DSCAML1: variants seen among roughly 807,000 people sequenced by gnomAD.
DSCAML1 encodes cell adhesion molecule DSCAML1.
DSCAML1 carries 38 observed loss-of-function variants against 200.5 expected under a neutral mutation model. The observed-to-expected ratio is 0.19, with a 90% CI of 0.15 to 0.25. DSCAML1 has a LOEUF of 0.25. DSCAML1 is among the 10% of genes least tolerant of loss of function. The pLI, the probability that DSCAML1 is intolerant of heterozygous loss-of-function variation, is 1.00. For missense variants in DSCAML1, 2,223 were observed against 2,858.8 expected (o/e 0.78, Z 5.07); for synonymous variants, 1,215 against 1,165.0 (o/e 1.04, Z -0.87).
At chr11:117,733,723 A>T (rs973471147) in intron 3 of DSCAML1, among the ~76,000 whole-genome samples, 4 of 152,176 alleles carry the variant, frequency 2.6e-5, no homozygotes, top group Non-Finnish European at 5.9e-5. Context: ...GACCATCTGG[A>T]TAAGTCATCT....
intron 3 of DSCAML1, among the ~76,000 whole-genome samples, chr11:117,619,885 C>T (rs571816668): frequency 1.6e-4 from 24 of 152,176 alleles, no homozygotes; most frequent in East Asian, 7.7e-4. Context: ...ATGTGGACTT[C>T]GGAGCAAAAT....
At chr11:117,725,187 C>T (rs2054103066) in intron 3 of DSCAML1, among the ~76,000 whole-genome samples, 1 of 152,230 alleles carries the variant, frequency 6.6e-6, no homozygotes, top group African/African-American at 2.4e-5. Context: ...CATAGCTGGG[C>T]CGGTCTCCGT....
chr11:117,732,658 G>C (rs1464582073), intron 3 of DSCAML1, among the ~76,000 whole-genome samples: 1 of 152,150 alleles, frequency 6.6e-6, no homozygotes, highest in East Asian at 1.9e-4. Flanking sequence ...GGACCAGGCT[G>C]CTGTCACTTC....
intron 3 of DSCAML1, among the ~76,000 whole-genome samples, chr11:117,547,393 C>G (rs989210016): frequency 1.3e-5 from 2 of 152,196 alleles, no homozygotes; most frequent in Non-Finnish European, 2.9e-5. Flanking sequence ...GTGCCTGGGC[C>G]TTGGGGAGGA....
At chr11:117,448,980 G>A (rs969918358) in intron 20 of DSCAML1, among the ~76,000 whole-genome samples, 1 of 152,160 alleles carries the variant, frequency 6.6e-6, no homozygotes, top group Non-Finnish European at 1.5e-5. Flanking sequence ...GGATACTAAC[G>A]GCTAGCCCAA....
chr11:117,767,573 G>A (rs540979599), intron 3 of DSCAML1, among the ~76,000 whole-genome samples: 2 of 152,274 alleles, frequency 1.3e-5, no homozygotes, highest in East Asian at 1.9e-4. Context: ...GTCTGAGTCC[G>A]AGGCTTCCTT....
intron 3 of DSCAML1, among the ~76,000 whole-genome samples, chr11:117,704,182 A>T (rs1388915355): frequency 6.6e-6 from 1 of 151,782 alleles, no homozygotes; most frequent in Non-Finnish European, 1.5e-5. Context: ...GGAAGGACAG[A>T]ATGACCTGAA....
intron 3 of DSCAML1, among the ~76,000 whole-genome samples, chr11:117,681,925 A>G (rs10892160): frequency 0.24 from 37,194 of 152,034 alleles, 5,107 homozygotes; most frequent in African/African-American, 0.37. Flanking sequence ...GCCCTGTCCC[A>G]GTCTCTCTCT....
chr11:117,807,934 A>C (rs534320278), intron 1 of DSCAML1, among the ~76,000 whole-genome samples: 5 of 152,172 alleles, frequency 3.3e-5, no homozygotes, highest in Non-Finnish European at 5.9e-5. Context: ...TGATTCTCCC[A>C]CCTCAGCCTC....
chr11:117,708,088 TC>T (rs2053784904), intron 3 of DSCAML1, among the ~76,000 whole-genome samples: 1 of 152,118 alleles, frequency 6.6e-6, no homozygotes, highest in South Asian at 2.1e-4. Context: ...ACCTCCTGCC[TC>T]CCTCTCTGTG....
chr11:117,481,890 G>A, intron 12 of DSCAML1, 73 bp downstream of exon 12: 1 of 1,574,144 alleles, frequency 6.4e-7, no homozygotes, highest in Non-Finnish European at 8.7e-7. Flanking sequence ...CCTCCTGGAT[G>A]CAGATGTGAT....
chr11:117,777,777 C>T (rs888359194), intron 2 of DSCAML1, among the ~76,000 whole-genome samples: 2 of 152,170 alleles, frequency 1.3e-5, no homozygotes, highest in African/African-American at 4.8e-5. Flanking sequence ...CCAACTGCAG[C>T]CGCTGTATGT....
At chr11:117,749,525 C>T (rs2054570668) in intron 3 of DSCAML1, among the ~76,000 whole-genome samples, 1 of 152,224 alleles carries the variant, frequency 6.6e-6, no homozygotes, top group Non-Finnish European at 1.5e-5. Flanking sequence ...GCTTTATAAG[C>T]CCTCTGCTGA....
intron 29 of DSCAML1, 123 bp from the exon 30 acceptor site, chr11:117,432,627 G>GT (rs2047825133): frequency 8.5e-6 from 10 of 1,173,970 alleles, no homozygotes; most frequent in African/African-American, 3.2e-5. Context: ...TTGTTTGTTT[G>GT]TTTTTTTGAG....
chr11:117,692,975 C>A (rs1357808954), intron 3 of DSCAML1, among the ~76,000 whole-genome samples: 1 of 152,158 alleles, frequency 6.6e-6, no homozygotes, highest in Non-Finnish European at 1.5e-5. Flanking sequence ...ATCTTGAGTG[C>A]CCACTTCCAA....
At chr11:117,444,248 C>T (rs2048131177) in intron 20 of DSCAML1, among the ~76,000 whole-genome samples, 2 of 152,168 alleles carry the variant, frequency 1.3e-5, no homozygotes, top group African/African-American at 2.4e-5. Flanking sequence ...GCCTGCCTCG[C>T]GGTGTTGCTG....
intron 20 of DSCAML1, among the ~76,000 whole-genome samples, chr11:117,449,486 G>A (rs2048244195): frequency 6.6e-6 from 1 of 152,166 alleles, no homozygotes; most frequent in Non-Finnish European, 1.5e-5. Context: ...AAAGCAGAGA[G>A]TATAGGAGGA....
chr11:117,685,919 G>A (rs535805963), intron 3 of DSCAML1, among the ~76,000 whole-genome samples: 2 of 152,292 alleles, frequency 1.3e-5, no homozygotes, highest in East Asian at 3.9e-4. Flanking sequence ...GCTCATTTTT[G>A]GAAAGCAGGA....
intron 30 of DSCAML1, 133 bp from the exon 31 acceptor site, chr11:117,431,861 G>T: frequency 2.4e-6 from 2 of 826,514 alleles, no homozygotes; most frequent in Non-Finnish European, 3.6e-6. Flanking sequence ...CCTTGGGAAT[G>T]CTGCCTTTCC....
Sources: gnomAD v4.1 joint callset for allele counts (sites outside exome capture counted in the v4.1 genomes callset) on GRCh38, gnomAD v4.1.1 for gene constraint, MANE v1.5 for transcripts, NCBI Gene and HGNC (gene_info 2026-07-23, HGNC 2026-07-21) for gene names.